Variants in TGM3 observed in about 807,000 individuals in gnomAD.
TGM3 encodes the protein transglutaminase 3.
In TGM3, 52 loss-of-function variants were observed where a neutral mutation model predicts 73.8. The observed-to-expected ratio is 0.70, with a 90% CI of 0.56 to 0.89. TGM3 has a LOEUF of 0.89. Among genes scored for constraint, TGM3 ranks in the 40% least tolerant of loss-of-function variants. TGM3 has a pLI of 0.00. For synonymous variants in TGM3, 372 were observed against 354.9 expected (o/e 1.05, Z -0.54); for missense variants, 928 against 909.9 (o/e 1.02, Z -0.26).
At position 2,328,350 on chromosome 20, in the gene TGM3, T is replaced by C. The variant is rs1422928098; in HGVS notation, c.1318T>C (p.Tyr440His). Residue 440 changes from tyrosine (Y) to histidine (H), a missense_variant, in exon 9 of 13, where the codon TAC becomes CAC. Coordinates refer to ENST00000381458, the MANE Select transcript of TGM3 (RefSeq NM_003245.4). This position sits in a 1 kb window ranked among gnomAD's most constrained non-coding sequence, Gnocchi z 5.2. ...SNARMDVTDKYKYPEGSDQER... is the reference protein window; with the variant it reads ...SNARMDVTDKHKYPEGSDQER... ...TGCTCGCATGGACGTCACGGACAAG[T>C]ACAAGTACCCAGAAGGTAGGAGGGA... 1.2e-6 allele frequency: 2 copies of C among 1,613,878 alleles called. No homozygotes were observed. The highest frequency in any genetic ancestry group is 2.2e-5 in the East Asian group (1 of 44,836).
At chr20:2,326,583 T>C (rs1019318796) in intron 8 of TGM3, among the ~76,000 whole-genome samples, 11 of 152,220 alleles carry the variant, frequency 7.2e-5, no homozygotes, top group Non-Finnish European at 1.5e-4. Context: ...GAGTGGTGGC[T>C]CACACCTGTA....
chr20:2,323,210 C>G lies in TGM3; in HGVS notation c.984-2639C>G, dbSNP rs145726670. On this transcript the variant is annotated intron_variant, in intron 7 of 12. Coordinates refer to ENST00000381458, the MANE Select transcript of TGM3 (RefSeq NM_003245.4). ...ATTTGTAGTCTTTTATCCCTCACCC[C>G]CTTCCCACCTTTTCTCTCTGAGTCC... Among the ~76,000 whole-genome samples the G allele has an allele frequency of 7.7e-3, 1,171 of 152,294 alleles. 5 individuals carry two copies. Among genetic ancestry groups the G allele is most frequent in the Non-Finnish European group, 0.01 (698 of 68,026 alleles).
chr20:2,314,045 C>T (rs1013772098), intron 5 of TGM3, among the ~76,000 whole-genome samples: 1 of 152,038 alleles, frequency 6.6e-6, no homozygotes, highest in African/African-American at 2.4e-5. Context: ...TAGCATGTGA[C>T]AGTAGTCCCA....
chr20:2,333,556 A>G (rs1000906591), intron 10 of TGM3, among the ~76,000 whole-genome samples: 2 of 152,060 alleles, frequency 1.3e-5, no homozygotes, highest in African/African-American at 4.8e-5. Flanking sequence ...CATTATGCCC[A>G]GCTAACTTTT....
At chr20:2,340,411 C>T (rs975587889) in intron 12 of TGM3, 23 bp from the exon 13 acceptor site, 13 of 1,613,904 alleles carry the variant, frequency 8.1e-6, no homozygotes, top group South Asian at 4.4e-5. Context: ...CGTATCAACA[C>T]TGATCTGTGC....
At chr20:2,300,668 A>G (rs147479168) in intron 1 of TGM3, among the ~76,000 whole-genome samples, 71 of 152,330 alleles carry the variant, frequency 4.7e-4, no homozygotes, top group Admixed American at 1.2e-3. Context: ...TGGACTTCCA[A>G]AGCCCTCATC....
At chr20:2,338,905 T>G (rs772342167) in intron 11 of TGM3, among the ~76,000 whole-genome samples, 9 of 152,266 alleles carry the variant, frequency 5.9e-5, no homozygotes, top group African/African-American at 1.2e-4. Flanking sequence ...AAGAGATGAC[T>G]TGTCTGCCCA....
At chr20:2,324,680 C>T (rs1267757083) in intron 7 of TGM3, among the ~76,000 whole-genome samples, 1 of 152,166 alleles carries the variant, frequency 6.6e-6, no homozygotes. Context: ...TCTCCAGCAA[C>T]CCAGGTTGGT....
chr20:2,301,308 A>G (rs1157111902), intron 1 of TGM3, among the ~76,000 whole-genome samples: 1 of 151,120 alleles, frequency 6.6e-6, no homozygotes, highest in East Asian at 2.0e-4. Context: ...GATGACTCAC[A>G]GCCTGTCGGT....
rs538272968 is a variant in TGM3 at position 2,323,634 on chromosome 20, G to A, written c.984-2215G>A. ...AAGTTTTTATATTCATTGCCAAATTGCTTTCCACAAGGTCATAGCAATTTA... is the reference window on the plus strand; with the variant it reads ...AAGTTTTTATATTCATTGCCAAATTACTTTCCACAAGGTCATAGCAATTTA... On this transcript the variant is annotated intron_variant, in intron 7 of 12. Transcript: ENST00000381458. Among the ~76,000 whole-genome samples, 4 of 152,234 alleles carry A rather than the reference G, an allele frequency of 2.6e-5. No individual in the cohort carries two copies. The South Asian group carries it at 8.3e-4, about 32-fold the overall frequency.
rs2084336212 is a variant in TGM3 at position 2,334,286 on chromosome 20, T to G, written c.1643-830T>G. Among the ~76,000 whole-genome samples, 1 of 152,196 alleles carries G rather than the reference T, an allele frequency of 6.6e-6. No individual in the cohort carries two copies. Among genetic ancestry groups the G allele is most frequent in the Non-Finnish European group, 1.5e-5 (1 of 68,036 alleles). On this transcript the variant is annotated intron_variant, in intron 10 of 12. Transcript: ENST00000381458. This position sits in a 1 kb window ranked among gnomAD's most constrained non-coding sequence, Gnocchi z 4.0. ...GAAGGTTCTTTTAAGGGACAGGTGA[T>G]GCAGGGCCAGGTTGAGGGGTCTGAA...
At chr20:2,335,363 T>G in intron 11 of TGM3, 90 bp downstream of exon 11, 3 of 1,519,466 alleles carry the variant, frequency 2.0e-6, no homozygotes, top group Non-Finnish European at 2.7e-6. Flanking sequence ...GCCACAGCTC[T>G]CCCAGAGGGC....
chr20:2,339,124 G>A (rs913852419), intron 11 of TGM3, among the ~76,000 whole-genome samples: 7 of 152,390 alleles, frequency 4.6e-5, no homozygotes, highest in African/African-American at 1.4e-4. Flanking sequence ...GACATTGGTA[G>A]ACTGGGGTGT....
intron 1 of TGM3, among the ~76,000 whole-genome samples, chr20:2,303,458 C>T (rs552904215): frequency 6.6e-6 from 1 of 152,006 alleles, no homozygotes; most frequent in Non-Finnish European, 1.5e-5. Context: ...TGAAAAAGCT[C>T]TGCCACTAGA....
intron 1 of TGM3, among the ~76,000 whole-genome samples, chr20:2,308,249 GA>G (rs1403268776): frequency 1.3e-5 from 2 of 152,154 alleles, no homozygotes; most frequent in African/African-American, 4.8e-5. Context: ...AAAAGATTAA[GA>G]AGGGATGTTC....
intron 1 of TGM3, among the ~76,000 whole-genome samples, chr20:2,305,431 C>T (rs1046227115): frequency 2.6e-5 from 4 of 152,240 alleles, no homozygotes; most frequent in African/African-American, 9.6e-5. Flanking sequence ...TTATGCCACA[C>T]CTGGGTTCAG....
intron 8 of TGM3, among the ~76,000 whole-genome samples, chr20:2,327,129 G>C (rs188799120): frequency 6.6e-6 from 1 of 152,160 alleles, no homozygotes; most frequent in East Asian, 1.9e-4. Flanking sequence ...GAAATGGAAT[G>C]GAACGGAAAG....
intron 7 of TGM3, 95 bp downstream of exon 7, chr20:2,317,580 T>TG: frequency 2.6e-6 from 4 of 1,538,294 alleles, no homozygotes; most frequent in Non-Finnish European, 3.5e-6. Context: ...AAACAGGTGT[T>TG]GCAAGGCAAG....
At chr20:2,311,815 G>A (rs2084204855) in intron 4 of TGM3, among the ~76,000 whole-genome samples, 1 of 152,102 alleles carries the variant, frequency 6.6e-6, no homozygotes. Context: ...AGGAGTGGAA[G>A]AGAGGCTATT....
Sources: allele counts gnomAD v4.1 joint callset (sites outside exome capture counted in the v4.1 genomes callset), GRCh38; gene constraint gnomAD v4.1.1; non-coding constraint Gnocchi (gnomAD v3.1); transcripts MANE v1.5; gene names NCBI Gene and HGNC (gene_info 2026-07-23, HGNC 2026-07-21).